The following PXK variants were observed in gnomAD, a reference collection of about 807,000 sequenced individuals.
PXK encodes PX domain containing serine/threonine kinase like.
PXK carries 35 observed loss-of-function variants against 84.7 expected under a neutral mutation model. The observed-to-expected ratio is 0.41, with a 90% CI of 0.32 to 0.55. The LOEUF (loss-of-function observed/expected upper bound fraction) is 0.55, where lower values mean the gene tolerates loss of function less well. Among genes scored for constraint, PXK ranks in the 20% least tolerant of loss-of-function variants. The pLI is 0.21. For missense variants in PXK, 634 were observed against 699.7 expected (o/e 0.91, Z 1.06); for synonymous variants, 253 against 260.8 (o/e 0.97, Z 0.29).
chr3:58,381,555 CAA>C (rs34125797), intron 3 of PXK, among the ~76,000 whole-genome samples: 9,589 of 120,900 alleles, frequency 0.079, 434 homozygotes, highest in South Asian at 0.11. Context: ...AATAGAAAAC[CAA>C]AAAAAAAAAA....
intron 13 of PXK, among the ~76,000 whole-genome samples, chr3:58,408,107 G>T (rs1331811806): frequency 6.6e-6 from 1 of 152,170 alleles, no homozygotes; most frequent in African/African-American, 2.4e-5. Context: ...AATTTTCCCA[G>T]CACTGTTATT....
In PXK at chr3:58,367,709, G is replaced by T. The variant is rs570041058; in HGVS notation, c.154-1722G>T. ...TTTATTTTTATTTTTTTGAGATAGG[G>T]TTTTGCTCTGTGGCCCAGACTGGAG... On this transcript the variant is annotated intron_variant, in intron 2 of 17. Transcript: ENST00000356151. Among the ~76,000 whole-genome samples the T allele has an allele frequency of 5.9e-5, 9 of 152,210 alleles. No individual in the cohort carries two copies. In the South Asian group the frequency reaches 1.9e-3, roughly 32 times the overall value.
chr3:58,336,057 ATATATATATATATATTTT>A (rs1184697585), intron 1 of PXK, among the ~76,000 whole-genome samples: 17 of 54,726 alleles, frequency 3.1e-4, no homozygotes, highest in African/African-American at 4.6e-4. Flanking sequence ...ATATATATAT[ATATATATATATATATTTT>A]TTTTTTTTTT....
chr3:58,404,033 G>A, intron 13 of PXK, 123 bp downstream of exon 13: 1 of 520,260 alleles, frequency 1.9e-6, no homozygotes, highest in Non-Finnish European at 3.2e-6. Context: ...TAACCTAAAT[G>A]TCCTACAATT....
intron 4 of PXK, among the ~76,000 whole-genome samples, chr3:58,384,165 TCA>T (rs2098530964): frequency 6.6e-6 from 1 of 152,196 alleles, no homozygotes; most frequent in African/African-American, 2.4e-5. Flanking sequence ...GGCTGGTGAC[TCA>T]CAGTGTGGTT....
rs958146553 is a variant in PXK at position 58,398,368 on chromosome 3, A to G, written c.1102+646A>G. On this transcript the variant is annotated intron_variant, in intron 11 of 17. Coordinates refer to ENST00000356151, the MANE Select transcript of PXK (RefSeq NM_017771.5). The surrounding 1 kb of genome is among the most constrained non-coding windows in gnomAD (Gnocchi z 4.5). ...GGTTGCAGTGAGCCGAGATTGCGCC[A>G]CTGCACTCCAGCCTGGGCGACACAG... Among the ~76,000 whole-genome samples, 1 of 152,164 alleles carries G rather than the reference A, an allele frequency of 6.6e-6. No individual in the cohort carries two copies. The highest frequency in any genetic ancestry group is 2.4e-5 in the African/African-American group (1 of 41,438).
rs140556006 is a variant in PXK at position 58,409,545 on chromosome 3, G to A, written c.1322G>A (p.Arg441Gln). Residue 441 changes from arginine (R) to glutamine (Q), a missense_variant, in exon 15 of 18, where the codon CGA becomes CAA. This residue lies in a region of PXK where 273 missense variants were observed against 283.6 expected (regional missense o/e 0.96). Coordinates refer to ENST00000356151, the MANE Select transcript of PXK (RefSeq NM_017771.5). This position sits in a 1 kb window ranked among gnomAD's most constrained non-coding sequence, Gnocchi z 4.2. ...IEEQKQIHQHRRLTRAQSHHG... is the reference protein window; with the variant it reads ...IEEQKQIHQHQRLTRAQSHHG... ...GGTCTTTTAAAGATTCACCAGCATC[G>A]AAGACTGACAAGAGCTCAGTCCCAC... 70 of 1,613,130 alleles carry A rather than the reference G, an allele frequency of 4.3e-5. 1 individual carries two copies. The highest frequency in any genetic ancestry group is 2.5e-4 in the Admixed American group (15 of 59,708).
At chr3:58,337,690 A>C (rs910603700) in intron 1 of PXK, among the ~76,000 whole-genome samples, 4 of 151,962 alleles carry the variant, frequency 2.6e-5, no homozygotes, top group African/African-American at 9.7e-5. Context: ...GGTTGGTCTC[A>C]AACTCCTGAG....
At chr3:58,423,669 G>T (rs529348252) in intron 17 of PXK, among the ~76,000 whole-genome samples, 1 of 152,266 alleles carries the variant, frequency 6.6e-6, no homozygotes, top group Non-Finnish European at 1.5e-5. Flanking sequence ...GAAACCACCT[G>T]GCAGAATGTC....
intron 16 of PXK, 83 bp downstream of exon 16, chr3:58,410,242 CT>C: frequency 9.9e-7 from 1 of 1,014,766 alleles, no homozygotes; most frequent in South Asian, 1.4e-5. Context: ...GTCTTGAGTT[CT>C]GCTGGCCAGA....
chr3:58,336,451 C>A (rs1407903205), intron 1 of PXK, among the ~76,000 whole-genome samples: 1 of 151,978 alleles, frequency 6.6e-6, no homozygotes, highest in Non-Finnish European at 1.5e-5. Context: ...CTAGACCAGC[C>A]CTCTGCTGCA....
chr3:58,399,302 C>T lies in PXK; in HGVS notation c.1106C>T (p.Ala369Val). 1 of 1,613,952 alleles carries T rather than the reference C, an allele frequency of 6.2e-7. No homozygotes were observed. Among genetic ancestry groups the T allele is most frequent in the Non-Finnish European group, 8.5e-7 (1 of 1,179,838 alleles). ...FPPAPSMAVV[A>V]VLESTLSCEA... The stretch of plus-strand genomic sequence containing the variant: ...ATGTGTATCTGTTCATTTCAAGTGG[C>T]CGTGTTGGAGTCTACGCTGTCTTGT... Residue 369 changes from alanine to valine, a missense_variant, in exon 12 of 18, where the codon GCC becomes GTC. Physicochemically the swap from Ala to Val is moderately conservative, Grantham distance 64. Around this residue, in one of 3 missense-constraint regions of PXK, gnomAD observed 273 missense variants for 283.6 expected, o/e 0.96. Transcript: ENST00000356151. This position sits in a 1 kb window ranked among gnomAD's most constrained non-coding sequence, Gnocchi z 4.3.
intron 1 of PXK, among the ~76,000 whole-genome samples, chr3:58,362,827 C>T (rs2108370484): frequency 6.6e-6 from 1 of 152,324 alleles, no homozygotes; most frequent in East Asian, 1.9e-4. Context: ...AATTCTCCTT[C>T]CTCAGCTTCC....
intron 3 of PXK, among the ~76,000 whole-genome samples, chr3:58,377,785 C>A (rs1045583952): frequency 3.3e-5 from 5 of 152,018 alleles, no homozygotes; most frequent in African/African-American, 9.7e-5. Flanking sequence ...GAAGAAAAAA[C>A]CACAATAAAA....
At chr3:58,393,336 G>A (rs1278684507) in intron 7 of PXK, among the ~76,000 whole-genome samples, 1 of 151,948 alleles carries the variant, frequency 6.6e-6, no homozygotes, top group Non-Finnish European at 1.5e-5. Context: ...CAACAGAGCA[G>A]ACTCCGTCTC....
intron 1 of PXK, among the ~76,000 whole-genome samples, chr3:58,358,401 T>C (rs1331472571): frequency 6.6e-6 from 1 of 152,202 alleles, no homozygotes; most frequent in Non-Finnish European, 1.5e-5. Flanking sequence ...GGTGGTGCCT[T>C]GGGGCTACCA....
At chr3:58,340,420 G>A (rs2107729849) in intron 1 of PXK, among the ~76,000 whole-genome samples, 1 of 150,044 alleles carries the variant, frequency 6.7e-6, no homozygotes, top group South Asian at 2.2e-4. Flanking sequence ...ACCGCACCAA[G>A]CCTAGATTGT....
chr3:58,378,507 TTTTTTTGTGTGTGTGTGTGTGTGTGTG>T lies in PXK; in HGVS notation c.202-4005_202-3979del, dbSNP rs1423684449. Among the ~76,000 whole-genome samples, 9 of 105,074 alleles carry T rather than the reference TTTTTTTGTGTGTGTGTGTGTGTGTGTG, an allele frequency of 8.6e-5. 1 individual carries two copies. Among genetic ancestry groups the T allele is most frequent in the Non-Finnish European group, 1.3e-4 (7 of 53,646 alleles). The allele number at this position is 105,074 out of a possible 152,430, so 68.9% of individuals were successfully genotyped here. On this transcript the variant is annotated intron_variant, in intron 3 of 17. Coordinates refer to ENST00000356151, the MANE Select transcript of PXK (RefSeq NM_017771.5). ...CATTTTTCTTCTTTTTTTTTTTTTT[TTTTTTTGTGTGTGTGTGTGTGTGTGTG>T]TGTGTGTGTGTGTGTGTGTGACGAA...
At chr3:58,339,527 G>A (rs2097690774) in intron 1 of PXK, among the ~76,000 whole-genome samples, 1 of 152,102 alleles carries the variant, frequency 6.6e-6, no homozygotes, top group African/African-American at 2.4e-5. Context: ...ACCGTGCCCA[G>A]CCAGAAGTTG....
Sources: allele counts gnomAD v4.1 joint callset (sites outside exome capture counted in the v4.1 genomes callset), GRCh38; gene constraint gnomAD v4.1.1; regional missense constraint gnomAD v4.1.1; non-coding constraint Gnocchi (gnomAD v3.1); transcripts MANE v1.5; gene names NCBI Gene and HGNC (gene_info 2026-07-23, HGNC 2026-07-21).